The following FGFR1 variants were observed in gnomAD, a reference collection of about 807,000 sequenced individuals.
The protein encoded by FGFR1 is FGFR1/PLAG1 fusion.
FGFR1 carries 18 observed loss-of-function variants against 93.7 expected under a neutral mutation model. The observed-to-expected ratio is 0.19, with a 90% CI of 0.13 to 0.28. FGFR1 has a LOEUF of 0.28. Ranked by LOEUF, FGFR1 falls within the 10% of genes least tolerant of loss-of-function variation. The pLI is 1.00. For missense variants in FGFR1, 731 were observed against 1,080.4 expected (o/e 0.68, Z 4.53); for synonymous variants, 448 against 429.3 (o/e 1.04, Z -0.54).
At position 38,412,753 on chromosome 8, in the gene FGFR1, A is replaced by C; in HGVS notation, c.*875T>G. ...AATGAAGCAGCAGCAATTTTTATTG[A>C]GGGACCTAAACTGAAAATAGGTTTA... On this transcript the variant is annotated 3_prime_UTR_variant, in exon 18 of 18. Transcript: ENST00000447712. 4.3e-6 allele frequency: 1 copy of C among 233,648 alleles called. No individual in the cohort carries two copies. Among genetic ancestry groups the C allele is most frequent in the African/African-American group, 2.2e-5 (1 of 45,472 alleles). The allele number at this position is 233,648 out of a possible 1,614,324, so 14.5% of individuals were successfully genotyped here.
chr8:38,464,964 T>C (rs950624787), intron 1 of FGFR1, among the ~76,000 whole-genome samples: 1 of 152,206 alleles, frequency 6.6e-6, no homozygotes, highest in African/African-American at 2.4e-5. Context: ...AGGTCAATAC[T>C]GAAAACAAAG....
At chr8:38,438,470 G>A (rs1049319112) in intron 2 of FGFR1, among the ~76,000 whole-genome samples, 2 of 151,228 alleles carry the variant, frequency 1.3e-5, no homozygotes, top group African/African-American at 4.9e-5. Context: ...TTGAACCTAG[G>A]AGGCAGAGGT....
chr8:38,415,490 C>CG (rs1409626861), intron 13 of FGFR1, among the ~76,000 whole-genome samples: 18 of 149,764 alleles, frequency 1.2e-4, no homozygotes, highest in African/African-American at 4.4e-4. Flanking sequence ...TTTTTAAAGA[C>CG]GGGGTTTCAA....
At chr8:38,419,217 C>T (rs1817830255) in intron 9 of FGFR1, among the ~76,000 whole-genome samples, 1 of 152,216 alleles carries the variant, frequency 6.6e-6, no homozygotes, top group African/African-American at 2.4e-5. Flanking sequence ...TGCATCTCTG[C>T]ACTTCTAAGC....
chr8:38,460,823 C>T (rs1834227370), intron 1 of FGFR1, among the ~76,000 whole-genome samples: 1 of 152,226 alleles, frequency 6.6e-6, no homozygotes, highest in African/African-American at 2.4e-5. Context: ...CCTCCTGCTT[C>T]ACCTCAGTTT....
In FGFR1 at chr8:38,465,936, T is replaced by A. The variant is rs1270761077; in HGVS notation, c.-89+2045A>T. On this transcript the variant is annotated intron_variant, in intron 1 of 17. Transcript: ENST00000447712. Reference sequence around the variant, plus strand: ...GAGAAAGTGCGATTTCATTACAGCCTCCAAAACTACCGCCCAAAGAAGGAA... The same window carrying A: ...GAGAAAGTGCGATTTCATTACAGCCACCAAAACTACCGCCCAAAGAAGGAA... The A allele has an allele frequency of 2.6e-5, 6 of 227,376 alleles. No individual in the cohort carries two copies. The East Asian group carries it at 3.7e-4, about 14-fold the overall frequency. 14.1% of individuals were successfully genotyped at this position (227,376 alleles called of 1,614,324 possible). A position where few individuals can be genotyped will look rare whatever the true frequency, so the allele number is the denominator to read the frequency against.
rs1817230186 is a variant in FGFR1, at chr8:38,417,760, G to A, written c.1552+110C>T. 3.3e-6 allele frequency: 5 copies of A among 1,496,004 alleles called. No individual in the cohort carries two copies. The Admixed American group carries it at 6.7e-5, about 20-fold the overall frequency. The allele number at this position is 1,496,004 out of a possible 1,614,324, so 92.7% of individuals were successfully genotyped here. On this transcript the variant is annotated intron_variant, in intron 11 of 17. Transcript: ENST00000447712. ...CAGGTAACCCCAAGCAGGCAGCGGA[G>A]CAGGTGTGGGCAGCAAAGGCACCAG...
chr8:38,428,219 T>A (rs1821479668), intron 4 of FGFR1, 126 bp from the exon 5 acceptor site: 12 of 1,482,290 alleles, frequency 8.1e-6, no homozygotes, highest in Non-Finnish European at 1.0e-5. Flanking sequence ...GAGCAGTGCC[T>A]GGCACTTAGC....
intron 2 of FGFR1, among the ~76,000 whole-genome samples, chr8:38,451,784 G>A (rs1183417872): frequency 1.3e-5 from 2 of 152,082 alleles, no homozygotes; most frequent in Non-Finnish European, 2.9e-5. Flanking sequence ...TGAAAAGGGG[G>A]CAGGACCCCC....
At position 38,424,797 on chromosome 8, in the gene FGFR1, G is replaced by T; in HGVS notation, c.746-98C>A. The T allele has an allele frequency of 3.1e-6, 4 of 1,275,628 alleles. No homozygotes were observed. The highest frequency in any genetic ancestry group is 3.3e-6 in the Non-Finnish European group (3 of 909,784). 79.0% of individuals were successfully genotyped at this position (1,275,628 alleles called of 1,614,324 possible). A position where few individuals can be genotyped will look rare whatever the true frequency, so the allele number is the denominator to read the frequency against. ...GCCCCACTTGGCTTTCCCAGTGATG[G>T]GTTGTAAACCTCCCAGCACTTCTGC... is the stretch of plus-strand genomic sequence containing the variant. On this transcript the variant is annotated intron_variant, in intron 6 of 17. Coordinates refer to ENST00000447712, the MANE Select transcript of FGFR1 (RefSeq NM_023110.3). The surrounding 1 kb of genome is among the most constrained non-coding windows in gnomAD (Gnocchi z 4.3).
At chr8:38,447,631 G>A (rs909775894) in intron 2 of FGFR1, among the ~76,000 whole-genome samples, 10 of 152,176 alleles carry the variant, frequency 6.6e-5, no homozygotes, top group South Asian at 6.2e-4. Flanking sequence ...ACAGGTGGCC[G>A]CCATCATGAC....
chr8:38,412,555 C>T lies in FGFR1; in HGVS notation c.*1073G>A, dbSNP rs943277328. 6 of 233,158 alleles carry T rather than the reference C, an allele frequency of 2.6e-5. No individual in the cohort carries two copies. The highest frequency in any genetic ancestry group is 4.2e-5 in the Non-Finnish European group (5 of 117,922). 14.4% of individuals were successfully genotyped at this position (233,158 alleles called of 1,614,324 possible). A position where few individuals can be genotyped will look rare whatever the true frequency, so the allele number is the denominator to read the frequency against. On this transcript the variant is annotated 3_prime_UTR_variant, in exon 18 of 18. Transcript: ENST00000447712. ...TCTTTTTCTGACTTTCCAAAAGCAG[C>T]GGAGAGGCAGGAGGTGCGTCGTGAG...
rs2150532787 is a variant in FGFR1 at position 38,414,201 on chromosome 8, G to C, written c.2137C>G (p.Leu713Val). The C allele has an allele frequency of 6.2e-7, 1 of 1,614,178 alleles. No homozygotes were observed. Among genetic ancestry groups the C allele is most frequent in the Non-Finnish European group, 8.5e-7 (1 of 1,180,020 alleles). ...TTGTCCATGCGGTGACCCTCCTTCA[G>C]CAGCTTGAAAAGTTCCTCCACAGGC... ...GVPVEELFKL[L>V]KEGHRMDKPS... The change falls in exon 16 of 18, where the codon CTG becomes GTG. Residue 713 changes from leucine (L) to valine (V), a missense_variant. Transcript: ENST00000447712.
rs768880947 is a variant in FGFR1 at position 38,428,363 on chromosome 8, G to T, written c.431C>A (p.Thr144Asn). The T allele has an allele frequency of 6.2e-7, 1 of 1,614,112 alleles. No homozygotes were observed. Among genetic ancestry groups the T allele is most frequent in the South Asian group, 1.1e-5 (1 of 91,088 alleles). The change falls in exon 4 of 18, where the codon ACC becomes AAC. Residue 144 changes from threonine (T) to asparagine (N), a missense_variant. By Grantham distance (65) the Thr-to-Asn change is moderately conservative. Transcript: ENST00000447712. ...TGTCTCACGCATACGGTTTGGTTTG[G>T]TGTTATCTGTTTCTTTCTCCTCTGA... is the stretch of plus-strand genomic sequence containing the variant. ...SSSEEKETDN[T>N]KPNRMPVAPY...
At chr8:38,439,986 TC>T (rs1826836062) in intron 2 of FGFR1, among the ~76,000 whole-genome samples, 1 of 152,192 alleles carries the variant, frequency 6.6e-6, no homozygotes, top group Admixed American at 6.5e-5. Context: ...AATCCAGGCA[TC>T]CTCCATGAGC....
At position 38,468,478 on chromosome 8, in the gene FGFR1, G is replaced by A. The variant is rs1448862998; in HGVS notation, c.-586C>T. ...AGGCGAGGTCGCCGCAATGCGCTAC[G>A]AGGGGTCTCGGTCCCGTCCGGACGT... On this transcript the variant is annotated 5_prime_UTR_variant, in exon 1 of 18. Transcript: ENST00000447712. 2 of 228,732 alleles carry A rather than the reference G, an allele frequency of 8.7e-6. No homozygotes were observed. The highest frequency in any genetic ancestry group is 6.1e-5 in the East Asian group (1 of 16,390). The allele number at this position is 228,732 out of a possible 1,614,324, so 14.2% of individuals were successfully genotyped here.
Position 38,413,667 on chromosome 8 carries a change from G to T in FGFR1, c.2430C>A (p.His810Gln). 1 of 1,613,470 alleles carries T rather than the reference G, an allele frequency of 6.2e-7. No individual in the cohort carries two copies. The highest frequency in any genetic ancestry group is 1.1e-5 in the South Asian group (1 of 90,918). Residue 810 changes from histidine (H) to glutamine (Q), a missense_variant, in exon 18 of 18, where the codon CAC becomes CAA. Physicochemically the swap from His to Gln is conservative, Grantham distance 24 (BLOSUM62 0). Transcript: ENST00000447712. The surrounding 1 kb of genome is among the most constrained non-coding windows in gnomAD (Gnocchi z 4.2). ...GTCCGCCATTGGCAAGCTGGGCTGG[G>T]TGTCGGGGCAGGCAGGGCTCCTCGG... ...PLPEEPCLPRHPAQLANGGLK... is the reference protein window; with the variant it reads ...PLPEEPCLPRQPAQLANGGLK...
At position 38,424,202 on chromosome 8, in the gene FGFR1, C is replaced by T. The variant is rs1819878505; in HGVS notation, c.936+307G>A. On this transcript the variant is annotated intron_variant, in intron 7 of 17. Transcript: ENST00000447712. The surrounding 1 kb of genome is among the most constrained non-coding windows in gnomAD (Gnocchi z 4.3). ...GCTCTGGTTTCGGGCAATGAAAAGG[C>T]AGGGGTCCAAATGCCTTCCTTGTGT... The T allele has an allele frequency of 7.7e-6, 4 of 520,342 alleles. No homozygotes were observed. Among genetic ancestry groups the T allele is most frequent in the Non-Finnish European group, 1.5e-5 (4 of 273,270 alleles). The allele number at this position is 520,342 out of a possible 1,614,324, so 32.2% of individuals were successfully genotyped here.
At position 38,424,936 on chromosome 8, in the gene FGFR1, C is replaced by T. The variant is rs969716390; in HGVS notation, c.746-237G>A. 2.6e-5 allele frequency among the ~76,000 whole-genome samples: 4 copies of T among 152,322 alleles called. No individual in the cohort carries two copies. The highest frequency in any genetic ancestry group is 9.6e-5 in the African/African-American group (4 of 41,566). On this transcript the variant is annotated intron_variant, in intron 6 of 17. Coordinates refer to ENST00000447712, the MANE Select transcript of FGFR1 (RefSeq NM_023110.3). This position sits in a 1 kb window ranked among gnomAD's most constrained non-coding sequence, Gnocchi z 4.3. Reference sequence around the variant, plus strand: ...CATCATATTTACAGTCACAGTAAGTCGCTCATGCTTTAATGGAGAACCTTC... The same window carrying T: ...CATCATATTTACAGTCACAGTAAGTTGCTCATGCTTTAATGGAGAACCTTC...
Sources: gnomAD v4.1 joint callset for allele counts (sites outside exome capture counted in the v4.1 genomes callset) on GRCh38, gnomAD v4.1.1 for gene constraint, Gnocchi (gnomAD v3.1) non-coding constraint, MANE v1.5 for transcripts, NCBI Gene and HGNC (gene_info 2026-07-23, HGNC 2026-07-21) for gene names.